The following DCAF8L2 variants were observed in gnomAD, a reference collection of about 807,000 sequenced individuals.
DCAF8L2 encodes the protein DDB1- and CUL4-associated factor 8-like protein 2.
For synonymous variants in DCAF8L2, 200 were observed against 190.9 expected (o/e 1.05, Z -0.39); for missense variants, 430 against 490.7 (o/e 0.88, Z 1.17).
chrX:27,696,263 AG>A (rs1930894743), intron 3 of DCAF8L2, among the ~76,000 whole-genome samples: 1 of 81,905 alleles, frequency 1.2e-5, no homozygotes, highest in Non-Finnish European at 2.3e-5. Flanking sequence ...GAAGGAAGAG[AG>A]AGAGAGAAAG....
chrX:27,581,859 C>G, the DCAF8L2 span, among the ~76,000 whole-genome samples: 1 of 112,355 alleles, frequency 8.9e-6, no homozygotes, highest in South Asian at 3.7e-4. Context: ...GCAGGGATTA[C>G]AGGCGTGAGC....
At chrX:27,704,570 A>G (rs781186348) in intron 3 of DCAF8L2, among the ~76,000 whole-genome samples, 1 of 110,337 alleles carries the variant, frequency 9.1e-6, no homozygotes, top group South Asian at 3.8e-4. Flanking sequence ...ATGTAAGATA[A>G]ATAAGTCTGG....
intron 2 of DCAF8L2, among the ~76,000 whole-genome samples, chrX:27,659,718 T>C (rs1241530715): frequency 1.8e-5 from 2 of 111,453 alleles, no homozygotes; most frequent in African/African-American, 6.5e-5. Context: ...TTGTTAAAAT[T>C]CTCCATTTTT....
chrX:27,492,914 A>AT, the DCAF8L2 span, among the ~76,000 whole-genome samples: 1 of 111,851 alleles, frequency 8.9e-6, no homozygotes. Context: ...TATATTTTTT[A>AT]TTATTAACTT....
At chrX:27,719,287 C>T (rs1041613261) in intron 4 of DCAF8L2, among the ~76,000 whole-genome samples, 2 of 110,623 alleles carry the variant, frequency 1.8e-5, no homozygotes, top group Non-Finnish European at 3.8e-5. Context: ...TTTTAATTTC[C>T]TCATGGTTAA....
intron 1 of DCAF8L2, among the ~76,000 whole-genome samples, chrX:27,625,643 A>C (rs1327743233): frequency 1.8e-5 from 2 of 112,156 alleles, no homozygotes; most frequent in African/African-American, 6.5e-5. Flanking sequence ...GATAAAGAAA[A>C]TGTGGTACGT....
chrX:27,615,706 C>CT (rs1927440993), intron 1 of DCAF8L2, among the ~76,000 whole-genome samples: 1 of 111,037 alleles, frequency 9.0e-6, no homozygotes, highest in African/African-American at 3.3e-5. Context: ...CAATTTTAAG[C>CT]TTTTTCTAAT....
chrX:27,727,990 A>G (rs1932125922), intron 4 of DCAF8L2, among the ~76,000 whole-genome samples: 1 of 111,520 alleles, frequency 9.0e-6, no homozygotes, highest in South Asian at 3.7e-4. Flanking sequence ...AATTGCAATG[A>G]CTAGTTCTAC....
At chrX:27,587,363 A>G (rs1602627872), upstream of DCAF8L2, among the ~76,000 whole-genome samples, 1 of 111,605 alleles carries the variant, frequency 9.0e-6, no homozygotes, top group East Asian at 2.8e-4. Context: ...AGCAACAATA[A>G]AGATAAAATC....
chrX:27,565,982 G>T, the DCAF8L2 span, among the ~76,000 whole-genome samples: 1 of 110,822 alleles, frequency 9.0e-6, no homozygotes, highest in Non-Finnish European at 1.9e-5. Flanking sequence ...TGGACCCTTA[G>T]CATGAGTTAC....
chrX:27,559,575 T>C, the DCAF8L2 span, among the ~76,000 whole-genome samples: 4 of 111,962 alleles, frequency 3.6e-5, no homozygotes, highest in African/African-American at 1.3e-4. Context: ...AATGACAGTC[T>C]TGATCTGTGG....
At chrX:27,545,832 G>T in the DCAF8L2 span, among the ~76,000 whole-genome samples, 1 of 111,820 alleles carries the variant, frequency 8.9e-6, no homozygotes, top group African/African-American at 3.3e-5. Context: ...GAGAGAGCAC[G>T]TGAGAGTGCA....
At chrX:27,721,096 C>T (rs1487683009) in intron 4 of DCAF8L2, among the ~76,000 whole-genome samples, 10 of 111,669 alleles carry the variant, frequency 9.0e-5, no homozygotes, top group South Asian at 3.6e-4. Flanking sequence ...GGGTTTTCCA[C>T]ATACATAATT....
the DCAF8L2 span, among the ~76,000 whole-genome samples, chrX:27,473,854 T>C: frequency 9.0e-6 from 1 of 111,511 alleles, no homozygotes; most frequent in South Asian, 3.7e-4. Context: ...AATTCAACAA[T>C]GGAAATAAGA....
intron 1 of DCAF8L2, among the ~76,000 whole-genome samples, chrX:27,594,371 G>T (rs1294216213): frequency 9.0e-6 from 1 of 110,579 alleles, no homozygotes; most frequent in Non-Finnish European, 1.9e-5. Flanking sequence ...CATGACAAAT[G>T]GTATCAGTCA....
At chrX:27,535,848 C>A in the DCAF8L2 span, among the ~76,000 whole-genome samples, 1 of 111,499 alleles carries the variant, frequency 9.0e-6, no homozygotes, top group African/African-American at 3.3e-5. Flanking sequence ...TAGTAGGAGT[C>A]CACAAATATA....
In DCAF8L2 at chrX:27,608,847, A is replaced by T. The variant is rs758999911; in HGVS notation, c.-342+18407A>T. On this transcript the variant is annotated intron_variant, in intron 1 of 4. Coordinates refer to ENST00000451261, the MANE Select transcript of DCAF8L2 (RefSeq NM_001353450.2). ...CTAGGAGAGAGAATCTGATTAATTC[A>T]GCTCAGGCCTGGTGTCCAACACTGG... Among the ~76,000 whole-genome samples, 4 of 110,730 alleles carry T rather than the reference A, an allele frequency of 3.6e-5. No individual in the cohort carries two copies. In the South Asian group the frequency reaches 1.5e-3, roughly 43 times the overall value.
chrX:27,619,021 A>G (rs776106501), intron 1 of DCAF8L2, among the ~76,000 whole-genome samples: 1,238 of 108,441 alleles, frequency 0.011, 7 homozygotes, highest in African/African-American at 0.033. Context: ...CTATCTATCT[A>G]TCTATCTATC....
intron 1 of DCAF8L2, among the ~76,000 whole-genome samples, chrX:27,614,158 A>G (rs1927338673): frequency 1.8e-5 from 2 of 110,667 alleles, no homozygotes; most frequent in South Asian, 7.8e-4. Flanking sequence ...CAGGGATTCA[A>G]CTTCTTCCTG....
Sources: allele counts gnomAD v4.1 joint callset (sites outside exome capture counted in the v4.1 genomes callset), GRCh38; gene constraint gnomAD v4.1.1; transcripts MANE v1.5; gene names NCBI Gene and HGNC (gene_info 2026-07-23, HGNC 2026-07-21).